The following TMEM65 variants were observed in gnomAD, a reference collection of about 807,000 sequenced individuals.
The protein encoded by TMEM65 is transmembrane protein 65.
Under a neutral mutation model 25.4 loss-of-function variants are expected in TMEM65, and 22 were observed. That is an observed-to-expected ratio of 0.86 (90% CI 0.62 to 1.23). The LOEUF is 1.23. TMEM65 is among the 50% of genes most tolerant of loss of function. The pLI, the probability that TMEM65 is intolerant of heterozygous loss-of-function variation, is 0.00. For synonymous variants in TMEM65, 132 were observed against 126.2 expected, an observed-to-expected ratio of 1.05 and a Z score of -0.31; for missense variants, 262 against 308.2, an observed-to-expected ratio of 0.85 and a Z score of 1.12.
intron 1 of TMEM65, among the ~76,000 whole-genome samples, chr8:124,351,286 G>A (rs1311840948): frequency 6.6e-6 from 1 of 152,098 alleles, no homozygotes; most frequent in Non-Finnish European, 1.5e-5. Context: ...AACTTAAACT[G>A]TGCAAAGCAG....
intron 1 of TMEM65, among the ~76,000 whole-genome samples, chr8:124,347,749 G>A (rs1463138816): frequency 6.6e-6 from 1 of 152,160 alleles, no homozygotes; most frequent in Non-Finnish European, 1.5e-5. Flanking sequence ...GCTGAGGACA[G>A]GAGTTGGCCA....
At chr8:124,314,660 TC>T (rs1293126542) in intron 6 of TMEM65, among the ~76,000 whole-genome samples, 1 of 152,154 alleles carries the variant, frequency 6.6e-6, no homozygotes, top group Admixed American at 6.5e-5. Context: ...AGACAGGGTC[TC>T]CCTTTGTCAC....
At chr8:124,319,950 C>T (rs2131195920) in intron 6 of TMEM65, 136 bp downstream of exon 6, 1 of 546,380 alleles carries the variant, frequency 1.8e-6, no homozygotes, top group East Asian at 3.1e-5. Flanking sequence ...CTTCTGAAAA[C>T]TGCCAACGTC....
rs530434004 is a variant in TMEM65, at chr8:124,371,807, G to C, written c.304+47C>G. ...GGCTCCCGGTGGGCTGGCGAGAAGA[G>C]GAGGGCGTCGGGGCCCCCGGGCTCG... On this transcript the variant is annotated intron_variant, in intron 1 of 6. Transcript: ENST00000297632. 450 of 1,479,192 alleles carry C rather than the reference G, an allele frequency of 3.0e-4. 7 individuals are homozygous for C. The South Asian group carries it at 5.4e-3, about 18-fold the overall frequency. The allele number at this position is 1,479,192 out of a possible 1,614,324, so 91.6% of individuals were successfully genotyped here.
chr8:124,338,785 T>A (rs771718088), intron 1 of TMEM65, among the ~76,000 whole-genome samples: 1 of 152,190 alleles, frequency 6.6e-6, no homozygotes, highest in Non-Finnish European at 1.5e-5. Context: ...CTGATATATT[T>A]CTTTTTTAAA....
chr8:124,372,651 T>TCC lies in TMEM65; in HGVS notation c.-496_-495dup, dbSNP rs1815037802. ...TCCCGAGCCCTCAAAGCAGCCGCGC[T>TCC]CCCGAGCCGCAGCCGCCGCCGCCGC... On this transcript the variant is annotated 5_prime_UTR_variant, in exon 1 of 7. Coordinates refer to ENST00000297632, the MANE Select transcript of TMEM65 (RefSeq NM_194291.3). The TCC allele has an allele frequency of 6.6e-6, 1 of 150,728 alleles. No homozygotes were observed. Among genetic ancestry groups the TCC allele is most frequent in the African/African-American group, 2.8e-5 (1 of 36,024 alleles). The allele number at this position is 150,728 out of a possible 1,614,324, so 9.3% of individuals were successfully genotyped here.
intron 1 of TMEM65, among the ~76,000 whole-genome samples, chr8:124,371,425 T>G (rs958150897): frequency 1.3e-5 from 2 of 152,246 alleles, no homozygotes; most frequent in African/African-American, 4.8e-5. Flanking sequence ...CAGGCGGGTT[T>G]GCAGCACTTT....
intron 1 of TMEM65, among the ~76,000 whole-genome samples, chr8:124,362,958 C>T (rs1381864469): frequency 6.6e-6 from 1 of 152,152 alleles, no homozygotes; most frequent in Non-Finnish European, 1.5e-5. Flanking sequence ...AAAATAGAGT[C>T]AATCCTCTAT....
intron 6 of TMEM65, among the ~76,000 whole-genome samples, chr8:124,317,099 T>C (rs1428188342): frequency 6.6e-6 from 1 of 152,164 alleles, no homozygotes; most frequent in Non-Finnish European, 1.5e-5. Flanking sequence ...TAGTGATGAA[T>C]TTAACTCTAT....
intron 1 of TMEM65, chr8:124,351,029 G>A: frequency 1.0e-6 from 1 of 985,096 alleles, no homozygotes; most frequent in Non-Finnish European, 1.2e-6. Context: ...CTGTAAGACT[G>A]TACTATACCA....
chr8:124,371,593 G>C (rs893262312), intron 1 of TMEM65, among the ~76,000 whole-genome samples: 36 of 152,362 alleles, frequency 2.4e-4, no homozygotes, highest in African/African-American at 7.0e-4. Flanking sequence ...TCCGGATTCG[G>C]AGGCTGGGGA....
At chr8:124,352,657 G>A (rs1045407863) in intron 1 of TMEM65, among the ~76,000 whole-genome samples, 3 of 152,068 alleles carry the variant, frequency 2.0e-5, no homozygotes, top group African/African-American at 4.8e-5. Flanking sequence ...GTGAGGGGAG[G>A]TGGGATTTCT....
At chr8:124,328,748 T>C (rs1191983392) in intron 2 of TMEM65, among the ~76,000 whole-genome samples, 1 of 152,094 alleles carries the variant, frequency 6.6e-6, no homozygotes, top group Non-Finnish European at 1.5e-5. Flanking sequence ...TCCAAAAAAA[T>C]AATCCCTTAA....
At chr8:124,341,798 T>G (rs1007138728) in intron 1 of TMEM65, among the ~76,000 whole-genome samples, 26 of 152,120 alleles carry the variant, frequency 1.7e-4, no homozygotes, top group African/African-American at 5.8e-4. Flanking sequence ...TTTTAACACA[T>G]TTCCCAAACT....
At chr8:124,320,796 A>G (rs1220915781) in intron 5 of TMEM65, among the ~76,000 whole-genome samples, 2 of 152,164 alleles carry the variant, frequency 1.3e-5, no homozygotes, top group Non-Finnish European at 2.9e-5. Context: ...ACTACCAACA[A>G]TAAGATGGAT....
At chr8:124,365,983 G>A (rs1290600646) in intron 1 of TMEM65, among the ~76,000 whole-genome samples, 1 of 152,190 alleles carries the variant, frequency 6.6e-6, no homozygotes, top group Non-Finnish European at 1.5e-5. Flanking sequence ...CACTTTGGGA[G>A]GCCGAGGCAG....
chr8:124,307,626 A>G lies in TMEM65; in HGVS notation c.*6334T>C, dbSNP rs1368535776. ...TAATATGATTGGAGAAAAGGCGGTCATTATATGACAATTTAAAGCAAAAGG... is the reference window on the plus strand; with the variant it reads ...TAATATGATTGGAGAAAAGGCGGTCGTTATATGACAATTTAAAGCAAAAGG... On this transcript the variant is annotated 3_prime_UTR_variant, in exon 7 of 7. Coordinates refer to ENST00000297632, the MANE Select transcript of TMEM65 (RefSeq NM_194291.3). 1 of 152,190 alleles carries G rather than the reference A, an allele frequency of 6.6e-6. No individual in the cohort carries two copies. Among genetic ancestry groups the G allele is most frequent in the Non-Finnish European group, 1.5e-5 (1 of 68,038 alleles). The allele number at this position is 152,190 out of a possible 1,614,324, so 9.4% of individuals were successfully genotyped here.
In TMEM65 at chr8:124,313,304, A is replaced by G. The variant is rs1160174316; in HGVS notation, c.*656T>C. 2.0e-5 allele frequency: 3 copies of G among 152,008 alleles called. No homozygotes were observed. Among genetic ancestry groups the G allele is most frequent in the African/African-American group, 7.2e-5 (3 of 41,440 alleles). 9.4% of individuals were successfully genotyped at this position (152,008 alleles called of 1,614,324 possible). ...TACGCTTGTTAGTATACACGGTTTC[A>G]TGTAGCAGGGAGACCACATAATTGC... On this transcript the variant is annotated 3_prime_UTR_variant, in exon 7 of 7. Transcript: ENST00000297632.
At chr8:124,360,129 C>T (rs1814840432) in intron 1 of TMEM65, among the ~76,000 whole-genome samples, 2 of 151,898 alleles carry the variant, frequency 1.3e-5, no homozygotes, top group African/African-American at 4.8e-5. Context: ...AAGAAATTTA[C>T]ATCTATAAAA....
Sources: gnomAD v4.1 joint callset for allele counts (sites outside exome capture counted in the v4.1 genomes callset) on GRCh38, gnomAD v4.1.1 for gene constraint, MANE v1.5 for transcripts, NCBI Gene and HGNC (gene_info 2026-07-23, HGNC 2026-07-21) for gene names.